DKKL1: variants seen among roughly 807,000 people sequenced by gnomAD.
DKKL1 encodes the protein dickkopf-like protein 1.
In DKKL1, 11 loss-of-function variants were observed where a neutral mutation model predicts 16.5. The ratio of observed to expected loss-of-function variants is 0.67; its 90% CI spans 0.42 to 1.10. The LOEUF (loss-of-function observed/expected upper bound fraction) is 1.10. Ranked by LOEUF, DKKL1 falls within the 50% of genes least tolerant of loss-of-function variation. The probability of loss-of-function intolerance (pLI) is 0.00; values close to 1 mark genes in which losing one functional copy is unlikely to be tolerated. For synonymous variants in DKKL1, 119 were observed against 133.2 expected, an observed-to-expected ratio of 0.89 and a Z score of 0.73; for missense variants, 320 against 308.1, an observed-to-expected ratio of 1.04 and a Z score of -0.29.
At chr19:49,360,680 G>A (rs1972788013), upstream of DKKL1, among the ~76,000 whole-genome samples, 1 of 150,400 alleles carries the variant, frequency 6.6e-6, no homozygotes, top group South Asian at 2.1e-4. Context: ...GTGAGCAGCA[G>A]CTGCCAGAAA....
upstream of DKKL1, chr19:49,361,609 C>G (rs1972943673): frequency 6.6e-6 from 1 of 152,172 alleles, no homozygotes; most frequent in Non-Finnish European, 1.5e-5. Flanking sequence ...CCCCGCCCCT[C>G]CCCTCCCCCG....
intron 4 of DKKL1, chr19:49,370,843 T>C (rs1973453696): frequency 6.6e-6 from 1 of 152,188 alleles, no homozygotes; most frequent in African/African-American, 2.4e-5. Flanking sequence ...AGCAGCCCTA[T>C]CTCTTCACAG....
chr19:49,365,608 C>G lies in DKKL1; in HGVS notation c.283C>G (p.Leu95Val), dbSNP rs1973218472. 6.2e-7 allele frequency: 1 copy of G among 1,613,640 alleles called. No homozygotes were observed. Among genetic ancestry groups the G allele is most frequent in the Non-Finnish European group, 8.5e-7 (1 of 1,179,852 alleles). The part of the protein sequence containing the change: ...YHKEENQEHQ[L>V]GNNTLSSHLQ... ...CAAAGAGGAGAACCAGGAGCACCAG[C>G]TGGGGAACAACACCCTCTCCAGCCA... Residue 95 changes from leucine (L) to valine (V), a missense_variant, in exon 3 of 5, where the codon CTG becomes GTG. By Grantham distance (32) the Leu-to-Val change is conservative. Transcript: ENST00000221498.
intron 2 of DKKL1, among the ~76,000 whole-genome samples, 170 bp from the exon 3 acceptor site, chr19:49,365,339 C>T (rs1568591774): frequency 6.6e-6 from 1 of 151,928 alleles, no homozygotes; most frequent in Non-Finnish European, 1.5e-5. Flanking sequence ...AGAGAGAATT[C>T]ATGGGGGATG....
chr19:49,361,875 C>G (rs1972972217), upstream of DKKL1: 2 of 152,774 alleles, frequency 1.3e-5, no homozygotes, highest in Non-Finnish European at 2.9e-5. Flanking sequence ...AGCCCTTCCC[C>G]ATGTGGCCAG....
chr19:49,363,778 T>C (rs908843715), upstream of DKKL1: 5 of 628,086 alleles, frequency 8.0e-6, no homozygotes, highest in Non-Finnish European at 1.4e-5. Flanking sequence ...GGTCATGGAG[T>C]AGAGGCCCGG....
At chr19:49,365,679 TC>T in intron 3 of DKKL1, 30 bp downstream of exon 3, 1 of 1,601,022 alleles carries the variant, frequency 6.2e-7, no homozygotes, top group Non-Finnish European at 8.5e-7. Flanking sequence ...CTTCCTGAAG[TC>T]CCCTTGGGAT....
At chr19:49,371,716 C>G (rs1415135422) in intron 4 of DKKL1, among the ~76,000 whole-genome samples, 1 of 151,914 alleles carries the variant, frequency 6.6e-6, no homozygotes, top group East Asian at 1.9e-4. Flanking sequence ...TTTGCTGTAC[C>G]CATCAGCCCG....
At chr19:49,372,553 G>A (rs1600854990) in intron 4 of DKKL1, among the ~76,000 whole-genome samples, 2 of 152,178 alleles carry the variant, frequency 1.3e-5, no homozygotes, top group Admixed American at 1.3e-4. Context: ...AATTAGCCAG[G>A]CATGGTGGCA....
At chr19:49,369,341 T>G (rs1973383461) in intron 4 of DKKL1, 8 of 152,078 alleles carry the variant, frequency 5.3e-5, no homozygotes, top group Admixed American at 5.2e-4. Flanking sequence ...TTGTTTTTTG[T>G]TTTTTGTATT....
chr19:49,374,249 G>T (rs905014087), intron 4 of DKKL1, among the ~76,000 whole-genome samples: 3 of 152,212 alleles, frequency 2.0e-5, no homozygotes, highest in African/African-American at 7.2e-5. Context: ...GCCTCCCACA[G>T]TGCTGGGATT....
intron 4 of DKKL1, among the ~76,000 whole-genome samples, chr19:49,367,677 A>T (rs1441044294): frequency 6.6e-6 from 1 of 152,142 alleles, no homozygotes; most frequent in Non-Finnish European, 1.5e-5. Context: ...AGGTGCTGGG[A>T]TTATAGGCGT....
At chr19:49,365,273 AG>A (rs1453553709) in intron 2 of DKKL1, among the ~76,000 whole-genome samples, 1 of 151,820 alleles carries the variant, frequency 6.6e-6, no homozygotes, top group Non-Finnish European at 1.5e-5. Context: ...ACAGGAGGAG[AG>A]GGGGATGGGG....
At position 49,364,494 on chromosome 19, in the gene DKKL1, G is replaced by A. The variant is rs544282844; in HGVS notation, c.11-88G>A. The A allele has an allele frequency of 3.4e-6, 4 of 1,190,224 alleles. No individual in the cohort carries two copies. The East Asian group carries it at 9.9e-5, about 29-fold the overall frequency. The allele number at this position is 1,190,224 out of a possible 1,614,324, so 73.7% of individuals were successfully genotyped here. A position where few individuals can be genotyped will look rare whatever the true frequency, so the allele number is the denominator to read the frequency against. ...CGGTGTGGGAGTTGCCTGAACTGGGGAGGCGACCTGGGCAAGGTGCTGGAG... is the reference window on the plus strand; with the variant it reads ...CGGTGTGGGAGTTGCCTGAACTGGGAAGGCGACCTGGGCAAGGTGCTGGAG... On this transcript the variant is annotated intron_variant, in intron 1 of 4. Transcript: ENST00000221498.
At chr19:49,363,845 C>A, upstream of DKKL1, 1 of 1,101,094 alleles carries the variant, frequency 9.1e-7, no homozygotes, top group Non-Finnish European at 1.3e-6. Context: ...GGCGTGGCTA[C>A]GGCTCGCGGA....
chr19:49,364,888 G>T, intron 2 of DKKL1, 134 bp downstream of exon 2: 1 of 1,146,390 alleles, frequency 8.7e-7, no homozygotes, highest in East Asian at 2.4e-5. Flanking sequence ...GATAGGAAGA[G>T]GGAAGGGACT....
chr19:49,372,367 T>A (rs1007664063), intron 4 of DKKL1, among the ~76,000 whole-genome samples: 2 of 151,950 alleles, frequency 1.3e-5, no homozygotes, highest in Non-Finnish European at 2.9e-5. Context: ...GAGACCAGCC[T>A]GGCTAACGTA....
rs181341458 is a variant in DKKL1, at chr19:49,366,950, C to T, written c.417+1065C>T. On this transcript the variant is annotated intron_variant, in intron 4 of 4. Coordinates refer to ENST00000221498, the MANE Select transcript of DKKL1 (RefSeq NM_014419.4). Reference sequence around the variant, plus strand: ...CTCGAACTCCTGAGCTCAGGCAATCCGCCCGCCTCTGCCTCCCAAAGTACT... The same window carrying T: ...CTCGAACTCCTGAGCTCAGGCAATCTGCCCGCCTCTGCCTCCCAAAGTACT... Among the ~76,000 whole-genome samples the T allele has an allele frequency of 4.3e-3, 650 of 151,870 alleles. 5 individuals carry two copies. The highest frequency in any genetic ancestry group is 0.015 in the African/African-American group (617 of 41,464).
upstream of DKKL1, chr19:49,362,462 A>G (rs890443046): frequency 1.3e-5 from 2 of 149,592 alleles, no homozygotes; most frequent in African/African-American, 4.9e-5. Flanking sequence ...AGTGGGAGGG[A>G]CCGGAGGGGG....
Sources: gnomAD v4.1 joint callset for allele counts (sites outside exome capture counted in the v4.1 genomes callset) on GRCh38, gnomAD v4.1.1 for gene constraint, MANE v1.5 for transcripts, NCBI Gene and HGNC (gene_info 2026-07-23, HGNC 2026-07-21) for gene names.